SLIT3: variants seen among roughly 807,000 people sequenced by gnomAD.
The protein encoded by SLIT3 is slit guidance ligand 3.
Under a neutral mutation model 184.0 loss-of-function variants are expected in SLIT3, and 68 were observed. That is an observed-to-expected ratio of 0.37 (90% confidence interval 0.30 to 0.45). SLIT3 has a LOEUF of 0.45. Among genes scored for constraint, SLIT3 ranks in the 20% least tolerant of loss-of-function variants. The pLI, the probability that SLIT3 is intolerant of heterozygous loss-of-function variation, is 1.00. For synonymous variants in SLIT3, 831 were observed against 828.6 expected, an observed-to-expected ratio of 1.00 and a Z score of -0.05; for missense variants, 1,707 against 2,026.0, an observed-to-expected ratio of 0.84 and a Z score of 3.02.
rs538093325 is a variant in SLIT3 at position 168,733,516 on chromosome 5, T to G, written c.2271-9032A>C. Among the ~76,000 whole-genome samples the G allele has an allele frequency of 1.1e-3, 170 of 152,234 alleles. 1 individual carries two copies. The highest frequency in any genetic ancestry group is 4.0e-3 in the African/African-American group (166 of 41,542). On this transcript the variant is annotated intron_variant, in intron 20 of 35. Transcript: ENST00000519560. ...ATGTCTATCACAGCACTATTCACGA[T>G]AGCAAAGATACGGAATCAACCTCAA...
chr5:169,294,302 C>T (rs1171151521), intron 1 of SLIT3, among the ~76,000 whole-genome samples: 1 of 142,216 alleles, frequency 7.0e-6, no homozygotes, highest in East Asian at 2.0e-4. Flanking sequence ...CCCATGAAAA[C>T]CCACCCCCCA....
chr5:169,155,128 G>A (rs557783854), intron 4 of SLIT3, among the ~76,000 whole-genome samples: 6 of 152,302 alleles, frequency 3.9e-5, no homozygotes, highest in Non-Finnish European at 8.8e-5. Context: ...TGGTAACCTA[G>A]CGTCAGCAGC....
intron 4 of SLIT3, among the ~76,000 whole-genome samples, chr5:169,113,522 A>C (rs1422822024): frequency 6.6e-6 from 1 of 152,172 alleles, no homozygotes; most frequent in Non-Finnish European, 1.5e-5. Context: ...ATGGCTGTAC[A>C]AATGATGAAT....
Position 168,837,019 on chromosome 5 carries a change from C to T in SLIT3, c.557+7565G>A, listed in dbSNP as rs567749051. 2.0e-5 allele frequency among the ~76,000 whole-genome samples: 3 copies of T among 152,246 alleles called. 1 individual carries two copies. Among genetic ancestry groups the T allele is most frequent in the African/African-American group, 7.2e-5 (3 of 41,522 alleles). On this transcript the variant is annotated intron_variant, in intron 6 of 35. Coordinates refer to ENST00000519560, the MANE Select transcript of SLIT3 (RefSeq NM_003062.4). ...TTAAGCTGGGGTTCTCAAAACCAAG[C>T]TAGTCATTTGAAGAGCATGACTGTC...
intron 18 of SLIT3, 111 bp from the exon 19 acceptor site, chr5:168,749,746 G>GAGCCTACGTTTCCTTCCT: frequency 9.0e-7 from 1 of 1,109,440 alleles, no homozygotes; most frequent in African/African-American, 1.5e-5. Flanking sequence ...GTCTCAGGAA[G>GAGCCTACGTTTCCTTCCT]GAAACGTAGG....
intron 5 of SLIT3, among the ~76,000 whole-genome samples, chr5:168,882,142 G>A (rs531865510): frequency 2.8e-4 from 42 of 152,198 alleles, no homozygotes; most frequent in Admixed American, 4.6e-4. Flanking sequence ...TAAAACCCCT[G>A]CATTCATTAC....
At chr5:168,919,259 C>CA (rs372846427) in intron 4 of SLIT3, among the ~76,000 whole-genome samples, 19,127 of 87,486 alleles carry the variant, frequency 0.22, 1,682 homozygotes, top group Middle Eastern at 0.3. Context: ...GACTCCATCT[C>CA]AAAAAAAAAA....
At chr5:169,016,509 T>C (rs1756380540) in intron 4 of SLIT3, among the ~76,000 whole-genome samples, 1 of 152,242 alleles carries the variant, frequency 6.6e-6, no homozygotes, top group Non-Finnish European at 1.5e-5. Flanking sequence ...CATTATTAAG[T>C]GTATCTATTC....
chr5:168,685,396 T>A (rs1257386911), intron 31 of SLIT3, among the ~76,000 whole-genome samples: 1 of 152,234 alleles, frequency 6.6e-6, no homozygotes, highest in Non-Finnish European at 1.5e-5. Context: ...TTTGTCTGTC[T>A]TGAACTGAAT....
intron 4 of SLIT3, among the ~76,000 whole-genome samples, chr5:169,088,192 A>G (rs1017229068): frequency 3.9e-5 from 6 of 152,194 alleles, no homozygotes; most frequent in Non-Finnish European, 7.4e-5. Flanking sequence ...GAGCAACTCT[A>G]TCTCCTGCAG....
At chr5:169,251,977 G>C (rs1262951128) in intron 1 of SLIT3, among the ~76,000 whole-genome samples, 1 of 152,164 alleles carries the variant, frequency 6.6e-6, no homozygotes, top group Non-Finnish European at 1.5e-5. Flanking sequence ...GCTCTCCTGT[G>C]AATGTCCAGA....
intron 9 of SLIT3, among the ~76,000 whole-genome samples, chr5:168,798,781 AGT>A (rs1001732130): frequency 7.9e-5 from 12 of 152,284 alleles, no homozygotes; most frequent in Non-Finnish European, 1.5e-4. Context: ...TCAGGTGCTT[AGT>A]TGTTAGGCAC....
At chr5:169,197,092 G>T (rs1225683410) in intron 3 of SLIT3, among the ~76,000 whole-genome samples, 1 of 152,120 alleles carries the variant, frequency 6.6e-6, no homozygotes, top group African/African-American at 2.4e-5. Flanking sequence ...AACCAGCTTG[G>T]CTCCAAGGCT....
At chr5:168,677,061 C>T (rs1010401002) in intron 32 of SLIT3, among the ~76,000 whole-genome samples, 6 of 152,288 alleles carry the variant, frequency 3.9e-5, no homozygotes, top group Middle Eastern at 3.4e-3. Flanking sequence ...TGCCCCAGTG[C>T]TGGGCTTCCT....
At chr5:168,802,089 A>G (rs1034569577) in intron 9 of SLIT3, among the ~76,000 whole-genome samples, 7 of 151,722 alleles carry the variant, frequency 4.6e-5, no homozygotes, top group Admixed American at 1.3e-4. Flanking sequence ...TCCTAAGGAG[A>G]AAGTACAAAT....
intron 29 of SLIT3, among the ~76,000 whole-genome samples, chr5:168,687,905 C>T: frequency 6.6e-6 from 1 of 152,210 alleles, no homozygotes; most frequent in South Asian, 2.1e-4. Flanking sequence ...TGCTCTGCCC[C>T]AGGCCCTGCA....
At chr5:169,060,219 G>T (rs1758134031) in intron 4 of SLIT3, among the ~76,000 whole-genome samples, 1 of 152,186 alleles carries the variant, frequency 6.6e-6, no homozygotes, top group African/African-American at 2.4e-5. Context: ...GTGAAACCCT[G>T]TCTCTACTAA....
At chr5:169,194,926 C>T (rs145264408) in intron 3 of SLIT3, among the ~76,000 whole-genome samples, 223 of 152,290 alleles carry the variant, frequency 1.5e-3, no homozygotes, top group African/African-American at 5.1e-3. Context: ...TAGCCCCATG[C>T]CCCTCTGCCC....
At chr5:169,234,198 G>T (rs1765109907) in intron 3 of SLIT3, among the ~76,000 whole-genome samples, 1 of 152,134 alleles carries the variant, frequency 6.6e-6, no homozygotes, top group South Asian at 2.1e-4. Context: ...CTACTTTGTA[G>T]CTCTACATCC....
Sources: gnomAD v4.1 joint callset for allele counts (sites outside exome capture counted in the v4.1 genomes callset) on GRCh38, gnomAD v4.1.1 for gene constraint, MANE v1.5 for transcripts, NCBI Gene and HGNC (gene_info 2026-07-23, HGNC 2026-07-21) for gene names.